Variants in THSD4 observed in about 807,000 individuals in gnomAD.
THSD4 encodes the protein thrombospondin type-1 domain-containing protein 4.
Under a neutral mutation model 119.0 loss-of-function variants are expected in THSD4, and 69 were observed. The ratio of observed to expected loss-of-function variants is 0.58; its 90% CI spans 0.48 to 0.71. THSD4 has a LOEUF of 0.71. Among genes scored for constraint, THSD4 ranks in the 30% least tolerant of loss-of-function variants. THSD4 has a pLI of 0.00. For missense variants in THSD4, 1,393 were observed against 1,391.1 expected (o/e 1.00, Z -0.02); for synonymous variants, 524 against 540.4 (o/e 0.97, Z 0.42).
rs146778770 is a variant in THSD4, at chr15:71,221,824, C to T, written c.464+6425C>T. On this transcript the variant is annotated intron_variant, in intron 4 of 17. Coordinates refer to ENST00000261862, the MANE Select transcript of THSD4 (RefSeq NM_024817.3). ...ATCATATTTTTAGATTTTTGAAGAA[C>T]TGCCATACTGTTTTCTATAGCAGCT... Among the ~76,000 whole-genome samples, 206 of 152,246 alleles carry T rather than the reference C, an allele frequency of 1.4e-3. 2 individuals carry two copies. Among genetic ancestry groups the T allele is most frequent in the African/African-American group, 4.8e-3 (201 of 41,550 alleles).
At chr15:71,469,747 G>C (rs948435189) in intron 7 of THSD4, among the ~76,000 whole-genome samples, 3 of 152,188 alleles carry the variant, frequency 2.0e-5, no homozygotes, top group African/African-American at 7.2e-5. Flanking sequence ...CCACCATGCT[G>C]GTCTCGCTGT....
intron 7 of THSD4, among the ~76,000 whole-genome samples, chr15:71,460,823 T>C (rs1307146472): frequency 6.6e-6 from 1 of 152,174 alleles, no homozygotes; most frequent in Non-Finnish European, 1.5e-5. Flanking sequence ...AGACAAAACT[T>C]GTATCTTCTG....
Position 71,591,005 on chromosome 15 carries a change from CAAAAAAAAAAAAAAAAA to C in THSD4, c.1153-69509_1153-69493del, listed in dbSNP as rs67271025. Among the ~76,000 whole-genome samples, 17 of 57,508 alleles carry C rather than the reference CAAAAAAAAAAAAAAAAA, an allele frequency of 3.0e-4. 2 individuals carry two copies. The South Asian group carries it at 8.7e-3, about 29-fold the overall frequency. The allele number at this position is 57,508 out of a possible 152,430, so 37.7% of individuals were successfully genotyped here. On this transcript the variant is annotated intron_variant, in intron 7 of 17. Transcript: ENST00000261862. Reference sequence around the variant, plus strand: ...TGGGCGACAGAGCAAGACTCCATCTCAAAAAAAAAAAAAAAAAAAAAAAAAAAAAAAAGTTGAAGAAA... The same window carrying C: ...TGGGCGACAGAGCAAGACTCCATCTCAAAAAAAAAAAAAAAGTTGAAGAAA...
At chr15:71,754,079 CTTTTT>C (rs5813663) in intron 14 of THSD4, among the ~76,000 whole-genome samples, 3 of 84,354 alleles carry the variant, frequency 3.6e-5, no homozygotes, top group African/African-American at 4.2e-5. Context: ...ACCTTTTATT[CTTTTT>C]TTTTTTTTTT....
intron 7 of THSD4, among the ~76,000 whole-genome samples, chr15:71,658,108 C>A (rs78426023): frequency 0.015 from 2,308 of 152,200 alleles, 59 homozygotes; most frequent in African/African-American, 0.053. Flanking sequence ...AGGTAAGGCC[C>A]GCTCCACACT....
intron 7 of THSD4, among the ~76,000 whole-genome samples, chr15:71,494,342 C>G (rs2047976576): frequency 1.3e-5 from 2 of 152,086 alleles, no homozygotes; most frequent in Non-Finnish European, 2.9e-5. Flanking sequence ...AACCCCCCTT[C>G]CAAGTTGGGA....
chr15:71,117,223 C>T (rs2040370837), intron 1 of THSD4, among the ~76,000 whole-genome samples: 1 of 152,180 alleles, frequency 6.6e-6, no homozygotes. Flanking sequence ...TTGGCATTAC[C>T]TTCTTTTTAG....
At chr15:71,554,094 G>T (rs1317819988) in intron 7 of THSD4, among the ~76,000 whole-genome samples, 1 of 44,050 alleles carries the variant, frequency 2.3e-5, no homozygotes, top group Non-Finnish European at 5.6e-5. Context: ...TGTTTGGTTT[G>T]GTTTTTTTTT....
At chr15:71,753,535 A>T (rs1292444660) in intron 14 of THSD4, among the ~76,000 whole-genome samples, 2 of 152,248 alleles carry the variant, frequency 1.3e-5, no homozygotes, top group Admixed American at 1.3e-4. Flanking sequence ...ATGAGAAGGC[A>T]GTCCCCACCA....
At chr15:71,628,176 T>C (rs1466198790) in intron 7 of THSD4, among the ~76,000 whole-genome samples, 2 of 152,114 alleles carry the variant, frequency 1.3e-5, no homozygotes, top group African/African-American at 2.4e-5. Flanking sequence ...GATTCTAGGA[T>C]ACACTCAGGG....
intron 8 of THSD4, among the ~76,000 whole-genome samples, chr15:71,677,895 G>A (rs1336853838): frequency 6.6e-6 from 1 of 152,210 alleles, no homozygotes; most frequent in African/African-American, 2.4e-5. Flanking sequence ...CTCAAATGCA[G>A]GAAACAGTTG....
intron 6 of THSD4, among the ~76,000 whole-genome samples, chr15:71,347,802 C>A (rs139347492): frequency 7.3e-4 from 111 of 152,304 alleles, no homozygotes; most frequent in Middle Eastern, 6.8e-3. Context: ...ACAGAAAGTT[C>A]TCTTGTTCTC....
chr15:71,306,705 C>G (rs575939263), intron 6 of THSD4, among the ~76,000 whole-genome samples: 2 of 152,290 alleles, frequency 1.3e-5, no homozygotes, highest in East Asian at 3.9e-4. Flanking sequence ...TGCATATAAT[C>G]TTACCATCTT....
At chr15:71,663,841 C>T (rs2141001652) in intron 8 of THSD4, among the ~76,000 whole-genome samples, 1 of 152,276 alleles carries the variant, frequency 6.6e-6, no homozygotes, top group Non-Finnish European at 1.5e-5. Context: ...CTTGTGAGTT[C>T]TGGCTATGAA....
At chr15:71,184,776 A>G (rs140967176) in intron 3 of THSD4, among the ~76,000 whole-genome samples, 4 of 151,856 alleles carry the variant, frequency 2.6e-5, no homozygotes, top group African/African-American at 9.6e-5. Flanking sequence ...AAGCTCCTAC[A>G]TTCCATCCTG....
chr15:71,757,252 C>T (rs554598786), intron 14 of THSD4, among the ~76,000 whole-genome samples: 3 of 152,010 alleles, frequency 2.0e-5, no homozygotes, highest in Non-Finnish European at 4.4e-5. Flanking sequence ...GTCTCCCAAT[C>T]CCCTCATAGC....
At chr15:71,695,908 T>C (rs1567106053) in intron 8 of THSD4, among the ~76,000 whole-genome samples, 1 of 152,012 alleles carries the variant, frequency 6.6e-6, no homozygotes, top group Non-Finnish European at 1.5e-5. Context: ...AGACAATAAG[T>C]GTGTGTTGGG....
At chr15:71,192,192 G>A (rs760219068) in intron 3 of THSD4, among the ~76,000 whole-genome samples, 1 of 152,134 alleles carries the variant, frequency 6.6e-6, no homozygotes, top group South Asian at 2.1e-4. Context: ...GTGAGCCACC[G>A]CACCTGGCCT....
intron 7 of THSD4, among the ~76,000 whole-genome samples, chr15:71,421,803 G>T (rs2140516707): frequency 6.6e-6 from 1 of 152,264 alleles, no homozygotes; most frequent in East Asian, 1.9e-4. Flanking sequence ...ACAACTCTTA[G>T]ATTTGCACTT....
Sources: allele counts gnomAD v4.1 joint callset (sites outside exome capture counted in the v4.1 genomes callset), GRCh38; gene constraint gnomAD v4.1.1; transcripts MANE v1.5; gene names NCBI Gene and HGNC (gene_info 2026-07-23, HGNC 2026-07-21).